Variants in NOX4 observed in about 807,000 individuals in gnomAD.
NOX4 encodes kidney oxidase-1.
In NOX4, 69 loss-of-function variants were observed where a neutral mutation model predicts 87.6. That is an observed-to-expected ratio of 0.79 (90% CI 0.65 to 0.96). The LOEUF is 0.96. NOX4 is among the 40% of genes least tolerant of loss of function. NOX4 has a pLI of 0.00. For missense variants in NOX4, 680 were observed against 681.5 expected, an observed-to-expected ratio of 1.00 and a Z score of 0.02; for synonymous variants, 275 against 238.2, an observed-to-expected ratio of 1.15 and a Z score of -1.42.
intron 2 of NOX4, among the ~76,000 whole-genome samples, chr11:89,464,997 A>G (rs1218888197): frequency 1.3e-5 from 2 of 151,942 alleles, no homozygotes; most frequent in Non-Finnish European, 2.9e-5. Context: ...TTTAAAAAAC[A>G]TTTTTGTTAT....
chr11:89,417,883 A>T (rs1942869512), intron 8 of NOX4, among the ~76,000 whole-genome samples: 1 of 152,130 alleles, frequency 6.6e-6, no homozygotes, highest in Non-Finnish European at 1.5e-5. Context: ...AGGACAAATT[A>T]TCTGCCAAGT....
chr11:89,393,321 C>T (rs1941253334), intron 11 of NOX4, among the ~76,000 whole-genome samples: 1 of 152,070 alleles, frequency 6.6e-6, no homozygotes, highest in African/African-American at 2.4e-5. Context: ...TCCTTGCAAA[C>T]ACTTCTGTGA....
chr11:89,423,368 C>T (rs959127519), intron 7 of NOX4, among the ~76,000 whole-genome samples: 1 of 151,336 alleles, frequency 6.6e-6, no homozygotes, highest in South Asian at 2.1e-4. Context: ...TAATCATTAC[C>T]CATTTCTATA....
intron 12 of NOX4, among the ~76,000 whole-genome samples, chr11:89,362,173 G>GACAC (rs148208109): frequency 3.0e-4 from 44 of 147,016 alleles, no homozygotes; most frequent in East Asian, 1.2e-3. Flanking sequence ...CACAGACACA[G>GACAC]ACACACACAC....
intron 2 of NOX4, among the ~76,000 whole-genome samples, chr11:89,467,030 G>A (rs947594494): frequency 1.3e-5 from 2 of 152,116 alleles, no homozygotes; most frequent in East Asian, 1.9e-4. Context: ...GGGGGAGCTC[G>A]CTGGACTTTG....
intron 8 of NOX4, 46 bp from the exon 9 acceptor site, chr11:89,402,588 G>A (rs1416561996): frequency 2.9e-6 from 4 of 1,370,972 alleles, no homozygotes; most frequent in African/African-American, 2.9e-5. Flanking sequence ...GAAAAGATTT[G>A]AGATCAGGGG....
chr11:89,344,252 T>G (rs2134923710), intron 13 of NOX4, among the ~76,000 whole-genome samples: 1 of 152,222 alleles, frequency 6.6e-6, no homozygotes, highest in South Asian at 2.1e-4. Context: ...CTTTAAACAG[T>G]TCTTTTAATT....
upstream of NOX4, among the ~76,000 whole-genome samples, chr11:89,500,104 C>T (rs1459814257): frequency 2.0e-5 from 3 of 152,078 alleles, no homozygotes; most frequent in Non-Finnish European, 2.9e-5. Context: ...CAGGACTATT[C>T]AACATCTTTG....
intron 2 of NOX4, among the ~76,000 whole-genome samples, chr11:89,477,644 T>C (rs1340954940): frequency 6.6e-6 from 1 of 152,196 alleles, no homozygotes; most frequent in Non-Finnish European, 1.5e-5. Flanking sequence ...AGGTATATGT[T>C]TAATTAAATA....
chr11:89,547,008 G>T, the NOX4 span, among the ~76,000 whole-genome samples: 1 of 152,128 alleles, frequency 6.6e-6, no homozygotes, highest in South Asian at 2.1e-4. Flanking sequence ...CTTGGTGTGG[G>T]GATTAAATTA....
chr11:89,421,335 G>A (rs1211963465), intron 8 of NOX4, among the ~76,000 whole-genome samples: 2 of 152,004 alleles, frequency 1.3e-5, no homozygotes, highest in Non-Finnish European at 2.9e-5. Context: ...TACTGCTTGG[G>A]TACACATATT....
At chr11:89,382,618 T>A (rs1251709790) in intron 11 of NOX4, among the ~76,000 whole-genome samples, 1 of 151,882 alleles carries the variant, frequency 6.6e-6, no homozygotes, top group Non-Finnish European at 1.5e-5. Flanking sequence ...CCCATCTGAC[T>A]TCTCCCCTCC....
At chr11:89,501,215 G>T (rs1306292532), upstream of NOX4, among the ~76,000 whole-genome samples, 1 of 152,032 alleles carries the variant, frequency 6.6e-6, no homozygotes, top group Non-Finnish European at 1.5e-5. Context: ...AGAAAGCTCT[G>T]CTAATGGAAA....
the NOX4 span, among the ~76,000 whole-genome samples, chr11:89,571,920 C>T: frequency 6.6e-6 from 1 of 152,196 alleles, no homozygotes; most frequent in Non-Finnish European, 1.5e-5. Flanking sequence ...TGTCTGATTG[C>T]TTTCTCCACT....
At chr11:89,374,448 G>A (rs1334474070) in intron 11 of NOX4, among the ~76,000 whole-genome samples, 1 of 152,134 alleles carries the variant, frequency 6.6e-6, no homozygotes, top group East Asian at 1.9e-4. Context: ...TATGGGTAAG[G>A]GACCATCTGC....
chr11:89,467,222 G>T (rs1394030381), intron 2 of NOX4, among the ~76,000 whole-genome samples: 3 of 151,102 alleles, frequency 2.0e-5, no homozygotes, highest in Non-Finnish European at 4.4e-5. Context: ...CTAGTGGCGG[G>T]CGCCTGTAGT....
intron 11 of NOX4, among the ~76,000 whole-genome samples, chr11:89,383,082 C>A (rs1306031488): frequency 1.3e-5 from 2 of 152,104 alleles, no homozygotes; most frequent in Non-Finnish European, 2.9e-5. Context: ...TGAAACCCCA[C>A]AACAGGAATT....
At chr11:89,406,876 G>A (rs1377150278) in intron 8 of NOX4, among the ~76,000 whole-genome samples, 1 of 152,026 alleles carries the variant, frequency 6.6e-6, no homozygotes, top group South Asian at 2.1e-4. Context: ...AGTAGAGATG[G>A]GTAATGAACT....
chr11:89,403,014 A>C (rs1941965818), intron 8 of NOX4, among the ~76,000 whole-genome samples: 1 of 152,196 alleles, frequency 6.6e-6, no homozygotes, highest in Non-Finnish European at 1.5e-5. Flanking sequence ...AGAAATGTTA[A>C]ACAGAAATAA....
Sources: allele counts gnomAD v4.1 joint callset (sites outside exome capture counted in the v4.1 genomes callset), GRCh38; gene constraint gnomAD v4.1.1; transcripts MANE v1.5; gene names NCBI Gene and HGNC (gene_info 2026-07-23, HGNC 2026-07-21).